Variants in SCML2 observed in about 807,000 individuals in gnomAD.
SCML2 encodes the protein sex comb on midleg-like protein 2.
A neutral mutation model predicts 48.4 loss-of-function variants in SCML2; 6 were observed. That is an observed-to-expected ratio of 0.12 (90% CI 0.07 to 0.24). SCML2 has a LOEUF of 0.24. SCML2 is among the 10% of genes least tolerant of loss of function. The pLI, the probability that SCML2 is intolerant of heterozygous loss-of-function variation, is 1.00. For missense variants in SCML2, 377 were observed against 528.2 expected (o/e 0.71, Z 2.81); for synonymous variants, 181 against 189.5 (o/e 0.95, Z 0.37).
chrX:18,305,672 G>T (rs766276944), intron 6 of SCML2, among the ~76,000 whole-genome samples: 16 of 108,959 alleles, frequency 1.5e-4, no homozygotes, highest in Non-Finnish European at 3.8e-5. Flanking sequence ...TCAAAAAGTG[G>T]TAAGTCCAAA....
intron 11 of SCML2, among the ~76,000 whole-genome samples, chrX:18,251,305 A>G (rs1388898265): frequency 2.6e-5 from 2 of 75,783 alleles, no homozygotes; most frequent in African/African-American, 1.0e-4. Flanking sequence ...GCAAGATTCC[A>G]TTGCAAAAAA....
At chrX:18,279,266 A>C (rs780379792) in intron 7 of SCML2, among the ~76,000 whole-genome samples, 1 of 112,866 alleles carries the variant, frequency 8.9e-6, no homozygotes, top group African/African-American at 3.2e-5. Context: ...AAAACGAAAA[A>C]TTATTGGGCT....
chrX:18,347,892 G>GA (rs1372622601), intron 1 of SCML2, among the ~76,000 whole-genome samples: 1 of 110,497 alleles, frequency 9.1e-6, no homozygotes, highest in Non-Finnish European at 1.9e-5. Context: ...CTTTAGTAAA[G>GA]AGTCCACCCC....
Position 18,241,240 on chromosome X carries a change from T to C in SCML2, c.*11A>G. 1 of 1,180,341 alleles carries C rather than the reference T, an allele frequency of 8.5e-7. No homozygotes were observed. Among genetic ancestry groups the C allele is most frequent in the Non-Finnish European group, 1.1e-6 (1 of 876,786 alleles). On this transcript the variant is annotated 3_prime_UTR_variant, in exon 15 of 15. Transcript: ENST00000251900. ...CTGAGAATTATGTCCAATCTAAACT[T>C]ACACATTTTTTTAACTGTATTTTCC...
intron 6 of SCML2, among the ~76,000 whole-genome samples, chrX:18,305,586 G>A (rs772760886): frequency 2.0e-3 from 227 of 111,242 alleles, no homozygotes; most frequent in Admixed American, 3.7e-3. Context: ...TAGTGGTTGC[G>A]GACAGGGAAA....
At chrX:18,319,585 G>C (rs1266619384) in intron 6 of SCML2, among the ~76,000 whole-genome samples, 1 of 87,796 alleles carries the variant, frequency 1.1e-5, no homozygotes, top group African/African-American at 4.9e-5. Flanking sequence ...TGACAGGTGA[G>C]ACTCTGTCTC....
chrX:18,344,426 T>C (rs1375098885), intron 1 of SCML2, among the ~76,000 whole-genome samples: 1 of 111,805 alleles, frequency 8.9e-6, no homozygotes, highest in Non-Finnish European at 1.9e-5. Context: ...AAGGCTCCAA[T>C]ACACCGTATG....
chrX:18,274,322 T>C (rs1927558589), intron 7 of SCML2, among the ~76,000 whole-genome samples: 1 of 111,767 alleles, frequency 8.9e-6, no homozygotes, highest in Non-Finnish European at 1.9e-5. Context: ...GGGTGGAATG[T>C]AGCAGGTCCA....
Position 18,312,333 on chromosome X carries a change from C to T in SCML2, c.487-7118G>A, listed in dbSNP as rs750614777. ...CACTGAAGATACCAAAATCCAAGGA[C>T]ACTCAAGTCCCTGATATAAAATGGC... is the stretch of plus-strand genomic sequence containing the variant. On this transcript the variant is annotated intron_variant, in intron 6 of 14. Coordinates refer to ENST00000251900, the MANE Select transcript of SCML2 (RefSeq NM_006089.3). Among the ~76,000 whole-genome samples the T allele has an allele frequency of 5.4e-5, 6 of 111,005 alleles. No individual in the cohort carries two copies. In the East Asian group the frequency reaches 1.4e-3, roughly 26 times the overall value.
chrX:18,269,331 C>G (rs993089268), intron 7 of SCML2, among the ~76,000 whole-genome samples: 2 of 111,055 alleles, frequency 1.8e-5, no homozygotes, highest in Non-Finnish European at 3.8e-5. Flanking sequence ...AGAGTTCTCA[C>G]GAGATCTGAT....
Position 18,336,970 on chromosome X carries a change from G to A in SCML2, c.-24-2875C>T, listed in dbSNP as rs770874680. Among the ~76,000 whole-genome samples, 24 of 110,820 alleles carry A rather than the reference G, an allele frequency of 2.2e-4. No individual in the cohort carries two copies. In the South Asian group the frequency reaches 3.8e-3, roughly 17 times the overall value. On this transcript the variant is annotated intron_variant, in intron 1 of 14. Transcript: ENST00000251900. ...ACAAAAATAAGAATAAAAAACAAGG[G>A]CAAACAGAAAACAGCAATAAATACA...
rs926567347 is a variant in SCML2 at position 18,240,611 on chromosome X, G to C, written c.*640C>G. On this transcript the variant is annotated 3_prime_UTR_variant, in exon 15 of 15. Coordinates refer to ENST00000251900, the MANE Select transcript of SCML2 (RefSeq NM_006089.3). ...TCAAAAACTGGTAAGAACACTTCAT[G>C]AAAGCTTATAAGCTTGCTTTTTTCC... 1 of 112,134 alleles carries C rather than the reference G, an allele frequency of 8.9e-6. No individual in the cohort carries two copies. The highest frequency in any genetic ancestry group is 1.9e-5 in the Non-Finnish European group (1 of 53,224). 9.2% of individuals were successfully genotyped at this position (112,134 alleles called of 1,213,427 possible).
intron 7 of SCML2, among the ~76,000 whole-genome samples, chrX:18,298,966 C>T (rs1302572657): frequency 9.0e-6 from 1 of 111,248 alleles, no homozygotes; most frequent in African/African-American, 3.3e-5. Context: ...ATAGGAGAAA[C>T]AGTTCAGCAC....
intron 1 of SCML2, among the ~76,000 whole-genome samples, chrX:18,337,331 A>C (rs1416988480): frequency 1.9e-5 from 2 of 103,297 alleles, no homozygotes; most frequent in African/African-American, 3.5e-5. Flanking sequence ...AAAAAAAAAA[A>C]AACAACCAAT....
chrX:18,349,819 A>C (rs185850812), intron 1 of SCML2, among the ~76,000 whole-genome samples: 21 of 112,207 alleles, frequency 1.9e-4, no homozygotes, highest in African/African-American at 6.5e-4. Flanking sequence ...ACAAAAAAAA[A>C]CCCAGTATTA....
At chrX:18,271,491 T>C (rs1274492880) in intron 7 of SCML2, among the ~76,000 whole-genome samples, 2 of 109,766 alleles carry the variant, frequency 1.8e-5, no homozygotes, top group Admixed American at 1.9e-4. Context: ...TGAACTCCTA[T>C]GTGCTGTTTC....
At chrX:18,291,307 TTAAA>T (rs1928225502) in intron 7 of SCML2, among the ~76,000 whole-genome samples, 1 of 111,572 alleles carries the variant, frequency 9.0e-6, no homozygotes, top group African/African-American at 3.2e-5. Flanking sequence ...AAAAGAAAAC[TTAAA>T]TAAACAAGAG....
chrX:18,277,327 T>C (rs1291764013), intron 7 of SCML2, among the ~76,000 whole-genome samples: 1 of 112,076 alleles, frequency 8.9e-6, no homozygotes, highest in Non-Finnish European at 1.9e-5. Context: ...CACCTCGGCC[T>C]CCCAAAGTGC....
intron 6 of SCML2, among the ~76,000 whole-genome samples, chrX:18,313,810 C>T (rs1929033821): frequency 8.9e-6 from 1 of 112,017 alleles, no homozygotes; most frequent in African/African-American, 3.2e-5. Flanking sequence ...CCAGCCTTTG[C>T]CAGTTTCCTA....
Sources: allele counts gnomAD v4.1 joint callset (sites outside exome capture counted in the v4.1 genomes callset), GRCh38; gene constraint gnomAD v4.1.1; transcripts MANE v1.5; gene names NCBI Gene and HGNC (gene_info 2026-07-23, HGNC 2026-07-21).